Variants in PPM1L observed in about 807,000 individuals in gnomAD.
The protein encoded by PPM1L is protein phosphatase 1L.
PPM1L carries 13 observed loss-of-function variants against 31.4 expected under a neutral mutation model. That is an observed-to-expected ratio of 0.41 (90% confidence interval 0.27 to 0.66). The LOEUF (loss-of-function observed/expected upper bound fraction) is 0.66, where lower values mean the gene tolerates loss of function less well. Ranked by LOEUF, PPM1L falls within the 30% of genes least tolerant of loss-of-function variation. The pLI, the probability that PPM1L is intolerant of heterozygous loss-of-function variation, is 0.29. For missense variants in PPM1L, 326 were observed against 453.7 expected, an observed-to-expected ratio of 0.72 and a Z score of 2.56; for synonymous variants, 184 against 175.4, an observed-to-expected ratio of 1.05 and a Z score of -0.39.
intron 2 of PPM1L, among the ~76,000 whole-genome samples, chr3:161,048,007 C>T (rs1192180364): frequency 2.0e-5 from 3 of 152,138 alleles, no homozygotes; most frequent in Non-Finnish European, 4.4e-5. Flanking sequence ...TAGGCAATAC[C>T]ATTCAGGACA....
At chr3:160,806,767 A>AAG (rs1258665008) in intron 1 of PPM1L, among the ~76,000 whole-genome samples, 2 of 150,456 alleles carry the variant, frequency 1.3e-5, no homozygotes, top group Admixed American at 1.3e-4. Context: ...GAAAGAAAGA[A>AAG]AGAGAGAGAG....
intron 2 of PPM1L, among the ~76,000 whole-genome samples, chr3:160,983,553 C>G (rs1276794717): frequency 6.6e-6 from 1 of 152,136 alleles, no homozygotes; most frequent in Non-Finnish European, 1.5e-5. Flanking sequence ...TACAGTTGTG[C>G]TATTTTTAAA....
At chr3:160,914,957 T>G (rs1357857104) in intron 1 of PPM1L, among the ~76,000 whole-genome samples, 1 of 152,138 alleles carries the variant, frequency 6.6e-6, no homozygotes, top group Non-Finnish European at 1.5e-5. Context: ...ACCTGTTGTT[T>G]CCTGACTTTT....
At chr3:160,855,545 A>C (rs370586530) in intron 1 of PPM1L, among the ~76,000 whole-genome samples, 3 of 152,328 alleles carry the variant, frequency 2.0e-5, no homozygotes, top group Non-Finnish European at 1.5e-5. Flanking sequence ...CAACCCCATT[A>C]AAAAGTGGAC....
chr3:161,048,831 C>CA (rs1229674669), intron 2 of PPM1L, among the ~76,000 whole-genome samples: 1 of 147,300 alleles, frequency 6.8e-6, no homozygotes, highest in Admixed American at 7.0e-5. Flanking sequence ...ATCACAAGGA[C>CA]AAAAAACCAA....
At chr3:160,838,019 A>T (rs755991533) in intron 1 of PPM1L, among the ~76,000 whole-genome samples, 1 of 152,188 alleles carries the variant, frequency 6.6e-6, no homozygotes, top group South Asian at 2.1e-4. Context: ...CATGGGGTAG[A>T]ACTGGAAGAG....
chr3:161,029,877 T>C (rs1297937202), intron 2 of PPM1L, among the ~76,000 whole-genome samples: 1 of 152,152 alleles, frequency 6.6e-6, no homozygotes, highest in Non-Finnish European at 1.5e-5. Context: ...TAAAATGACA[T>C]GACTTCATTA....
intron 1 of PPM1L, among the ~76,000 whole-genome samples, chr3:160,829,095 G>A (rs1416821674): frequency 6.6e-6 from 1 of 151,818 alleles, no homozygotes; most frequent in African/African-American, 2.4e-5. Context: ...AGCAGTGGAA[G>A]GCTTTGGTCT....
intron 1 of PPM1L, among the ~76,000 whole-genome samples, chr3:160,782,167 G>GT (rs141627976): frequency 0.028 from 4,049 of 145,842 alleles, 172 homozygotes; most frequent in African/African-American, 0.09. Context: ...TATTCTGTTT[G>GT]TTTTTTTTTT....
chr3:160,968,117 T>C (rs970944762), intron 2 of PPM1L, among the ~76,000 whole-genome samples: 1 of 150,966 alleles, frequency 6.6e-6, no homozygotes, highest in African/African-American at 2.4e-5. Context: ...ATATTTTTAT[T>C]GGTGGGATGG....
chr3:160,793,524 A>G (rs571277076), intron 1 of PPM1L, among the ~76,000 whole-genome samples: 16 of 152,234 alleles, frequency 1.1e-4, no homozygotes, highest in African/African-American at 3.9e-4. Context: ...CAGGCCTTCA[A>G]ATGTGTTTTG....
chr3:161,003,725 T>G (rs1236417076), intron 2 of PPM1L, among the ~76,000 whole-genome samples: 6 of 152,192 alleles, frequency 3.9e-5, no homozygotes, highest in Admixed American at 3.9e-4. Flanking sequence ...CCTATCAGCT[T>G]AAGGAGATTT....
chr3:160,886,309 G>A (rs1189154910), intron 1 of PPM1L, among the ~76,000 whole-genome samples: 1 of 152,198 alleles, frequency 6.6e-6, no homozygotes, highest in Non-Finnish European at 1.5e-5. Context: ...CAGCCCAGAT[G>A]AGTGGGTTTC....
chr3:160,886,086 C>T (rs979463476), intron 1 of PPM1L, among the ~76,000 whole-genome samples: 2 of 152,230 alleles, frequency 1.3e-5, no homozygotes, highest in African/African-American at 4.8e-5. Context: ...CCAGCTGTGG[C>T]GGACTGCAGC....
intron 2 of PPM1L, among the ~76,000 whole-genome samples, chr3:161,002,139 C>A (rs1357427423): frequency 6.6e-6 from 1 of 152,172 alleles, no homozygotes; most frequent in Non-Finnish European, 1.5e-5. Context: ...TTTCCAATTT[C>A]ATCCATGTCC....
chr3:160,894,638 AC>A (rs1302887671), intron 1 of PPM1L, among the ~76,000 whole-genome samples: 1 of 152,172 alleles, frequency 6.6e-6, no homozygotes, highest in Non-Finnish European at 1.5e-5. Context: ...TGAGTTAGGA[AC>A]CCTGTAATTC....
intron 1 of PPM1L, among the ~76,000 whole-genome samples, chr3:160,819,771 G>C (rs1373092831): frequency 6.6e-6 from 1 of 151,936 alleles, no homozygotes; most frequent in Non-Finnish European, 1.5e-5. Context: ...ATGGATCCAT[G>C]GGGGAAGGGA....
intron 1 of PPM1L, among the ~76,000 whole-genome samples, chr3:160,910,295 C>CTTCCCT (rs1560147983): frequency 1.1e-5 from 1 of 93,364 alleles, no homozygotes; most frequent in African/African-American, 4.7e-5. Context: ...TCCCCTTCCC[C>CTTCCCT]GTTCCCTTCC....
rs1719888788 is a variant in PPM1L at position 161,070,810 on chromosome 3, G to A, written c.*1653G>A. 6.6e-6 allele frequency: 1 copy of A among 152,192 alleles called. No homozygotes were observed. 9.4% of individuals were successfully genotyped at this position (152,192 alleles called of 1,614,324 possible). On this transcript the variant is annotated 3_prime_UTR_variant, in exon 4 of 4. Transcript: ENST00000498165. ...TAGAGTTTTCCCAAAGCAGTGTCCA[G>A]GAGAGAATTTGAGAGAGTGAAGAAA... is the stretch of plus-strand genomic sequence containing the variant.
Sources: gnomAD v4.1 joint callset for allele counts (sites outside exome capture counted in the v4.1 genomes callset) on GRCh38, gnomAD v4.1.1 for gene constraint, MANE v1.5 for transcripts, NCBI Gene and HGNC (gene_info 2026-07-23, HGNC 2026-07-21) for gene names.